Variants in XPO7 observed in about 807,000 individuals in gnomAD.
XPO7 encodes exportin-7.
XPO7 carries 21 observed loss-of-function variants against 144.3 expected under a neutral mutation model. That is an observed-to-expected ratio of 0.15 (90% CI 0.10 to 0.21). The LOEUF (loss-of-function observed/expected upper bound fraction) is 0.21. Among genes scored for constraint, XPO7 ranks in the 10% least tolerant of loss-of-function variants. The pLI is 1.00. For synonymous variants in XPO7, 580 were observed against 499.6 expected (o/e 1.16, Z -2.15); for missense variants, 808 against 1,325.8 (o/e 0.61, Z 6.06).
In XPO7 at chr8:21,976,460, T is replaced by A; in HGVS notation, c.702T>A (p.Thr234=). 1 of 1,613,992 alleles carries A rather than the reference T, an allele frequency of 6.2e-7. No homozygotes were observed. The change falls in exon 7 of 28, where the codon ACT becomes ACA. Residue 234 remains threonine, a synonymous_variant. Transcript: ENST00000252512. ...HNCLNFDFIG[T]STDESSDDLC... Reference sequence around the variant, plus strand: ...GCCTCAACTTTGACTTCATCGGCACTTCCACTGATGAGTCCTCAGACGACC... The same window carrying A: ...GCCTCAACTTTGACTTCATCGGCACATCCACTGATGAGTCCTCAGACGACC...
At chr8:21,944,153 C>A (rs748224704) in intron 1 of XPO7, among the ~76,000 whole-genome samples, 1 of 152,152 alleles carries the variant, frequency 6.6e-6, no homozygotes, top group Non-Finnish European at 1.5e-5. Flanking sequence ...CAGCTAGGAA[C>A]AAGGTTTAGG....
Position 21,987,205 on chromosome 8 carries a change from T to G in XPO7, c.1642T>G (p.Leu548Val). The change falls in exon 14 of 28, where the codon TTG becomes GTG. Residue 548 changes from leucine (L) to valine (V), a missense_variant. This residue lies in a region of XPO7 where 416 missense variants were observed against 612.5 expected (regional missense o/e 0.68). Coordinates refer to ENST00000252512, the MANE Select transcript of XPO7 (RefSeq NM_015024.5). Reference protein sequence around the residue: ...LAQAGNEKLELAMLSFFEQFR... With the variant: ...LAQAGNEKLEVAMLSFFEQFR... ...CCAGGCGGGTAATGAGAAGCTAGAG[T>G]TGGCCATGCTGAGCTTTTTTGAACA... is the stretch of plus-strand genomic sequence containing the variant. 1 of 1,613,992 alleles carries G rather than the reference T, an allele frequency of 6.2e-7. No homozygotes were observed. The highest frequency in any genetic ancestry group is 8.5e-7 in the Non-Finnish European group (1 of 1,179,888).
chr8:21,919,780 C>A lies in XPO7; in HGVS notation c.10C>A (p.His4Asn). 1.5e-6 allele frequency: 1 copy of A among 655,530 alleles called. No individual in the cohort carries two copies. Among genetic ancestry groups the A allele is most frequent in the Non-Finnish European group, 2.1e-6 (1 of 473,786 alleles). 40.6% of individuals were successfully genotyped at this position (655,530 alleles called of 1,614,324 possible). The change falls in exon 1 of 28, where the codon CAT becomes AAT. Residue 4 changes from histidine to asparagine, a missense_variant. His to Asn is a moderately conservative substitution (Grantham distance 68). Around this residue, in one of 5 missense-constraint regions of XPO7, gnomAD observed 223 missense variants for 368.8 expected, o/e 0.60. Coordinates refer to ENST00000252512, the MANE Select transcript of XPO7 (RefSeq NM_015024.5). Reference protein sequence around the residue: MADHVQSLAQLENL... With the variant: MADNVQSLAQLENL... ...GCATGAATGGAGCAAAATGGCGGAT[C>A]ATGTGCAGGTGAGAGGAGCCGCGGG...
intron 17 of XPO7, 33 bp downstream of exon 17, chr8:21,990,440 C>A: frequency 6.2e-7 from 1 of 1,609,690 alleles, no homozygotes; most frequent in South Asian, 1.1e-5. Context: ...CCTGGCCCTC[C>A]TACCACCCAC....
chr8:21,948,081 A>G (rs1057354795), intron 1 of XPO7, among the ~76,000 whole-genome samples: 1 of 152,240 alleles, frequency 6.6e-6, no homozygotes, highest in Non-Finnish European at 1.5e-5. Flanking sequence ...AAGTCAGATT[A>G]CTTACCAAAT....
At chr8:21,977,051 T>C (rs1262135714) in intron 7 of XPO7, among the ~76,000 whole-genome samples, 2 of 152,238 alleles carry the variant, frequency 1.3e-5, no homozygotes, top group South Asian at 2.1e-4. Context: ...CGATTAATAA[T>C]AGATATGTAT....
At position 21,970,290 on chromosome 8, in the gene XPO7, G is replaced by T. The variant is rs757424297; in HGVS notation, c.406G>T (p.Asp136Tyr). 6.2e-7 allele frequency: 1 copy of T among 1,613,542 alleles called. No individual in the cohort carries two copies. Among genetic ancestry groups the T allele is most frequent in the Non-Finnish European group, 8.5e-7 (1 of 1,179,752 alleles). ...CTATGTCTTCAGAAATGCAATCACA[G>T]ACGTCACAAGGTTTTTACAGGTACA... is the stretch of plus-strand genomic sequence containing the variant. ...DDYVFRNAITDVTRFLQDSVE... is the reference protein window; with the variant it reads ...DDYVFRNAITYVTRFLQDSVE... The change falls in exon 4 of 28, where the codon GAC becomes TAC. Residue 136 changes from aspartate (D) to tyrosine (Y), a missense_variant. This residue lies in a region of XPO7 where 223 missense variants were observed against 368.8 expected (regional missense o/e 0.60). Coordinates refer to ENST00000252512, the MANE Select transcript of XPO7 (RefSeq NM_015024.5).
At chr8:22,004,470 G>C (rs1296724853) in intron 27 of XPO7, among the ~76,000 whole-genome samples, 1 of 152,044 alleles carries the variant, frequency 6.6e-6, no homozygotes, top group African/African-American at 2.4e-5. Context: ...TTGAGTATCT[G>C]GGCTTTGCAA....
intron 1 of XPO7, among the ~76,000 whole-genome samples, chr8:21,948,326 G>A (rs563877505): frequency 6.6e-5 from 10 of 152,290 alleles, no homozygotes; most frequent in African/African-American, 2.2e-4. Flanking sequence ...CTGCTTAGGT[G>A]TTTAGATACA....
rs542039511 is a variant in XPO7, at chr8:21,991,672, G to A, written c.2042-196G>A. The A allele has an allele frequency of 1.1e-5, 5 of 445,392 alleles. No homozygotes were observed. The Admixed American group carries it at 2.0e-4, about 18-fold the overall frequency. The allele number at this position is 445,392 out of a possible 1,614,324, so 27.6% of individuals were successfully genotyped here. Reference sequence around the variant, plus strand: ...ACCTAGCCTAGACTAGGTGATTTCTGTTGTCATCTTCTAGTTTAAAAATTC... The same window carrying A: ...ACCTAGCCTAGACTAGGTGATTTCTATTGTCATCTTCTAGTTTAAAAATTC... On this transcript the variant is annotated intron_variant, in intron 18 of 27. Transcript: ENST00000252512.
chr8:21,977,219 C>A (rs1812252161), intron 7 of XPO7, among the ~76,000 whole-genome samples: 1 of 152,130 alleles, frequency 6.6e-6, no homozygotes, highest in African/African-American at 2.4e-5. Flanking sequence ...CAGAGGTGTT[C>A]AGGTTAAGTT....
intron 13 of XPO7, among the ~76,000 whole-genome samples, chr8:21,986,153 T>C (rs1812571665): frequency 6.6e-6 from 1 of 150,682 alleles, no homozygotes; most frequent in Non-Finnish European, 1.5e-5. Context: ...TTTTTTTTTT[T>C]TGGAGATGGA....
intron 1 of XPO7, among the ~76,000 whole-genome samples, chr8:21,960,275 C>G (rs919863470): frequency 6.6e-6 from 1 of 152,214 alleles, no homozygotes; most frequent in Non-Finnish European, 1.5e-5. Flanking sequence ...CCAAAAATGA[C>G]TGTGGGCCCG....
chr8:21,970,604 T>C (rs1812023558), intron 4 of XPO7, among the ~76,000 whole-genome samples: 2 of 152,206 alleles, frequency 1.3e-5, no homozygotes, highest in Admixed American at 1.3e-4. Context: ...GGCATTTCTT[T>C]CGAGTGTTAA....
intron 4 of XPO7, 35 bp from the exon 5 acceptor site, chr8:21,971,841 G>T: frequency 1.3e-6 from 2 of 1,582,906 alleles, no homozygotes; most frequent in South Asian, 2.2e-5. Flanking sequence ...AAGCACACAT[G>T]ACAACTCTTT....
intron 5 of XPO7, among the ~76,000 whole-genome samples, chr8:21,973,149 T>G (rs899035344): frequency 2.0e-5 from 3 of 152,236 alleles, no homozygotes; most frequent in African/African-American, 7.2e-5. Flanking sequence ...AATAGTCTTA[T>G]TCTAGGGCCT....
chr8:21,923,279 T>C (rs1357259584), intron 1 of XPO7, among the ~76,000 whole-genome samples: 3 of 152,212 alleles, frequency 2.0e-5, no homozygotes, highest in Non-Finnish European at 4.4e-5. Context: ...CCAATTCTGA[T>C]GCTCTTTTGG....
chr8:21,954,199 T>C (rs1811461631), intron 1 of XPO7, among the ~76,000 whole-genome samples: 1 of 152,206 alleles, frequency 6.6e-6, no homozygotes, highest in African/African-American at 2.4e-5. Context: ...GAATTGGTGA[T>C]TGTGTGTTTT....
intron 21 of XPO7, among the ~76,000 whole-genome samples, chr8:21,995,821 G>T (rs1355656540): frequency 6.6e-6 from 1 of 151,876 alleles, no homozygotes; most frequent in African/African-American, 2.4e-5. Context: ...TGGTTTGTTT[G>T]TCTTGTTTTT....
Sources: gnomAD v4.1 joint callset for allele counts (sites outside exome capture counted in the v4.1 genomes callset) on GRCh38, gnomAD v4.1.1 for gene constraint, gnomAD v4.1.1 regional missense constraint, MANE v1.5 for transcripts, NCBI Gene and HGNC (gene_info 2026-07-23, HGNC 2026-07-21) for gene names.